Variants in ALPK3 observed in about 807,000 individuals in gnomAD.
ALPK3 encodes alpha-protein kinase 3.
A neutral mutation model predicts 140.0 loss-of-function variants in ALPK3; 102 were observed. The observed-to-expected ratio is 0.73, with a 90% CI of 0.62 to 0.86. The LOEUF is 0.86. ALPK3 is among the 40% of genes least tolerant of loss of function. ALPK3 has a pLI of 0.00. For synonymous variants in ALPK3, 938 were observed against 898.5 expected, an observed-to-expected ratio of 1.04 and a Z score of -0.79; for missense variants, 2,254 against 2,208.2, an observed-to-expected ratio of 1.02 and a Z score of -0.42.
rs769124612 is a variant in ALPK3, at chr15:84,857,501, G to A, written c.2763G>A (p.Gln921=). The A allele has an allele frequency of 1.2e-6, 2 of 1,601,780 alleles. No individual in the cohort carries two copies. The highest frequency in any genetic ancestry group is 4.5e-5 in the East Asian group (2 of 44,724). The change falls in exon 6 of 14, where the codon CAG becomes CAA. Residue 921 remains glutamine (Q), a synonymous_variant. Coordinates refer to ENST00000258888, the MANE Select transcript of ALPK3 (RefSeq NM_020778.5). ...TLHLGLGTPT[Q]SHPPETMATS... Reference sequence around the variant, plus strand: ...ACCTGGGGCTGGGGACCCCCACTCAGAGTCACCCACCAGAAACCATGGCCA... The same window carrying A: ...ACCTGGGGCTGGGGACCCCCACTCAAAGTCACCCACCAGAAACCATGGCCA...
intron 5 of ALPK3, among the ~76,000 whole-genome samples, chr15:84,854,586 C>T (rs1963840088): frequency 1.3e-5 from 2 of 152,146 alleles, no homozygotes; most frequent in African/African-American, 2.4e-5. Flanking sequence ...TGTGCCTGGC[C>T]TTCATTCATT....
chr15:84,868,094 T>C lies in ALPK3; in HGVS notation c.4773-17T>C, dbSNP rs1362968630. 6.2e-7 allele frequency: 1 copy of C among 1,601,292 alleles called. No individual in the cohort carries two copies. The highest frequency in any genetic ancestry group is 2.2e-5 in the East Asian group (1 of 44,640). ...TCTGGTTGGGACCCCCACTCAGCTCTTCCTGTCTGGCTGCAGATACCAGGG... is the reference window on the plus strand; with the variant it reads ...TCTGGTTGGGACCCCCACTCAGCTCCTCCTGTCTGGCTGCAGATACCAGGG... On this transcript the variant is annotated splice_polypyrimidine_tract_variant and intron_variant, in intron 13 of 13. Coordinates refer to ENST00000258888, the MANE Select transcript of ALPK3 (RefSeq NM_020778.5).
Position 84,868,139 on chromosome 15 carries a change from C to G in ALPK3, c.4801C>G (p.Pro1601Ala). The G allele has an allele frequency of 6.2e-7, 1 of 1,613,132 alleles. No individual in the cohort carries two copies. The highest frequency in any genetic ancestry group is 8.5e-7 in the Non-Finnish European group (1 of 1,179,294). Residue 1601 changes from proline (P) to alanine (A), a missense_variant, in exon 14 of 14, where the codon CCT becomes GCT. Pro to Ala is a conservative substitution (Grantham distance 27, BLOSUM62 -1). Transcript: ENST00000258888. ...GYQGLKESCFPALLDRFASSH... is the reference protein window; with the variant it reads ...GYQGLKESCFAALLDRFASSH... ...CCAGGGCCTCAAGGAAAGCTGCTTC[C>G]CTGCCCTGCTGGACCGGTTCGCCTC...
intron 5 of ALPK3, among the ~76,000 whole-genome samples, chr15:84,855,635 G>C (rs1963852829): frequency 1.3e-5 from 2 of 152,122 alleles, no homozygotes; most frequent in African/African-American, 2.4e-5. Flanking sequence ...CTGCGAATCT[G>C]AACTCTGCCA....
chr15:84,856,268 A>G, intron 5 of ALPK3, 124 bp from the exon 6 acceptor site: 1 of 1,399,128 alleles, frequency 7.1e-7, no homozygotes, highest in East Asian at 2.3e-5. Flanking sequence ...GGCCTGAGAA[A>G]CCAGGAGGCA....
At chr15:84,844,411 A>G (rs1261264115) in intron 5 of ALPK3, among the ~76,000 whole-genome samples, 1 of 152,152 alleles carries the variant, frequency 6.6e-6, no homozygotes, top group Non-Finnish European at 1.5e-5. Flanking sequence ...TGTCTCAAAA[A>G]ACAAAAGAAA....
Position 84,864,471 on chromosome 15 carries a change from C to T in ALPK3, c.4529C>T (p.Pro1510Leu). Residue 1510 changes from proline (P) to leucine (L), a missense_variant, in exon 12 of 14, where the codon CCT becomes CTT. By Grantham distance (98) the Pro-to-Leu change is moderately conservative. Around this residue, in one of 3 missense-constraint regions of ALPK3, gnomAD observed 2,088 missense variants for 2,022.9 expected, o/e 1.03. Coordinates refer to ENST00000258888, the MANE Select transcript of ALPK3 (RefSeq NM_020778.5). ...EIIPLYLIYR[P>L]ANNIPYATLE... ...ATCCCACTGTATCTGATCTACCGGC[C>T]TGCAAACAATATCCCATATGCTACC... is the stretch of plus-strand genomic sequence containing the variant. 1 of 1,614,164 alleles carries T rather than the reference C, an allele frequency of 6.2e-7. No homozygotes were observed. Among genetic ancestry groups the T allele is most frequent in the Non-Finnish European group, 8.5e-7 (1 of 1,180,026 alleles).
At chr15:84,850,339 T>G (rs781372221) in intron 5 of ALPK3, among the ~76,000 whole-genome samples, 3 of 152,170 alleles carry the variant, frequency 2.0e-5, no homozygotes, top group Non-Finnish European at 2.9e-5. Flanking sequence ...ATGTGTTTGG[T>G]ACTGTGAAGA....
At position 84,868,554 on chromosome 15, in the gene ALPK3, G is replaced by A. The variant is rs1434492501; in HGVS notation, c.*98G>A. On this transcript the variant is annotated 3_prime_UTR_variant, in exon 14 of 14. Coordinates refer to ENST00000258888, the MANE Select transcript of ALPK3 (RefSeq NM_020778.5). The stretch of plus-strand genomic sequence containing the variant: ...TCCAAATATGGAACTAACTGGAGAA[G>A]GTGCACGAAGGAGACACCACTTGGG... 3.3e-6 allele frequency: 4 copies of A among 1,196,982 alleles called. No homozygotes were observed. The highest frequency in any genetic ancestry group is 4.6e-6 in the Non-Finnish European group (4 of 878,464). 74.1% of individuals were successfully genotyped at this position (1,196,982 alleles called of 1,614,324 possible). A position where few individuals can be genotyped will look rare whatever the true frequency, so the allele number is the denominator to read the frequency against.
chr15:84,859,704 G>A (rs180883137), intron 7 of ALPK3, 72 bp from the exon 8 acceptor site: 61 of 1,502,208 alleles, frequency 4.1e-5, no homozygotes, highest in Non-Finnish European at 5.3e-5. Context: ...CTGAGAGTGG[G>A]GTCCAAGGAC....
At chr15:84,865,326 C>G (rs528115485) in intron 12 of ALPK3, among the ~76,000 whole-genome samples, 116 of 152,134 alleles carry the variant, frequency 7.6e-4, no homozygotes, top group African/African-American at 2.4e-3. Context: ...CTGGGAATAT[C>G]ACACATCATT....
At chr15:84,864,971 A>G (rs1963987594) in intron 12 of ALPK3, among the ~76,000 whole-genome samples, 3 of 152,026 alleles carry the variant, frequency 2.0e-5, no homozygotes, top group African/African-American at 4.8e-5. Flanking sequence ...AAAACCCACA[A>G]CCACCCTTTT....
intron 5 of ALPK3, among the ~76,000 whole-genome samples, chr15:84,844,267 T>TCC (rs1185414971): frequency 1.3e-5 from 2 of 151,332 alleles, no homozygotes; most frequent in Admixed American, 6.6e-5. Context: ...ATTAGCCAGG[T>TCC]GTGGTGGTGC....
chr15:84,818,831 A>G (rs1963391954), intron 1 of ALPK3, among the ~76,000 whole-genome samples: 1 of 152,116 alleles, frequency 6.6e-6, no homozygotes, highest in Non-Finnish European at 1.5e-5. Flanking sequence ...AGGAAAGAAT[A>G]CCCCTTTTTC....
At chr15:84,822,458 G>A (rs1209749053) in intron 1 of ALPK3, among the ~76,000 whole-genome samples, 2 of 152,182 alleles carry the variant, frequency 1.3e-5, no homozygotes, top group Non-Finnish European at 2.9e-5. Context: ...AGGCTGGGCT[G>A]CTGGGAAGGA....
Position 84,861,710 on chromosome 15 carries a change from G to C in ALPK3, c.4130-925G>C, listed in dbSNP as rs889564188. On this transcript the variant is annotated intron_variant, in intron 9 of 13. Transcript: ENST00000258888. Reference sequence around the variant, plus strand: ...GATGATTATTTGGTTATCCCAATACGTTAAGTTCCAACAGGAAATGAAGGA... The same window carrying C: ...GATGATTATTTGGTTATCCCAATACCTTAAGTTCCAACAGGAAATGAAGGA... 4.6e-5 allele frequency among the ~76,000 whole-genome samples: 7 copies of C among 152,172 alleles called. No individual in the cohort carries two copies. The East Asian group carries it at 1.3e-3, about 29-fold the overall frequency.
At chr15:84,823,525 A>C (rs1160886968) in intron 2 of ALPK3, among the ~76,000 whole-genome samples, 157 bp downstream of exon 2, 1 of 152,060 alleles carries the variant, frequency 6.6e-6, no homozygotes, top group Admixed American at 6.6e-5. Context: ...ACTCAGGTGA[A>C]CATGGCTCTC....
chr15:84,839,154 G>A, intron 4 of ALPK3, 57 bp downstream of exon 4: 1 of 1,431,558 alleles, frequency 7.0e-7, no homozygotes, highest in South Asian at 1.2e-5. Context: ...CTCTGGCTGG[G>A]GTCCTGCCCT....
rs1349107860 is a variant in ALPK3, at chr15:84,873,202, T to C, written c.*4746T>C. ...TTTCTCGTGGCAAGAAGGGAGCTCATCTTCTGGGTCCTGCCAGAGGGCAGT... is the reference window on the plus strand; with the variant it reads ...TTTCTCGTGGCAAGAAGGGAGCTCACCTTCTGGGTCCTGCCAGAGGGCAGT... On this transcript the variant is annotated 3_prime_UTR_variant, in exon 14 of 14. Coordinates refer to ENST00000258888, the MANE Select transcript of ALPK3 (RefSeq NM_020778.5). 6.6e-6 allele frequency: 1 copy of C among 152,164 alleles called. No homozygotes were observed. The highest frequency in any genetic ancestry group is 1.5e-5 in the Non-Finnish European group (1 of 68,028). 9.4% of individuals were successfully genotyped at this position (152,164 alleles called of 1,614,324 possible). A position where few individuals can be genotyped will look rare whatever the true frequency, so the allele number is the denominator to read the frequency against.
Sources: gnomAD v4.1 joint callset for allele counts (sites outside exome capture counted in the v4.1 genomes callset) on GRCh38, gnomAD v4.1.1 for gene constraint, gnomAD v4.1.1 regional missense constraint, MANE v1.5 for transcripts, NCBI Gene and HGNC (gene_info 2026-07-23, HGNC 2026-07-21) for gene names.